Variants in GNAQ observed in about 807,000 individuals in gnomAD.
GNAQ encodes the protein G protein subunit alpha q.
A neutral mutation model predicts 43.9 loss-of-function variants in GNAQ; 8 were observed. The observed-to-expected ratio is 0.18, with a 90% CI of 0.11 to 0.33. GNAQ has a LOEUF of 0.33. Ranked by LOEUF, GNAQ falls within the 10% of genes least tolerant of loss-of-function variation. The pLI, the probability that GNAQ is intolerant of heterozygous loss-of-function variation, is 1.00. For missense variants in GNAQ, 158 were observed against 450.8 expected (o/e 0.35, Z 5.88); for synonymous variants, 155 against 170.7 (o/e 0.91, Z 0.71).
chr9:77,765,362 T>A (rs1826118989), intron 5 of GNAQ, among the ~76,000 whole-genome samples: 1 of 152,182 alleles, frequency 6.6e-6, no homozygotes, highest in Non-Finnish European at 1.5e-5. Flanking sequence ...AAGTTACATA[T>A]CTGATAAGGG....
At chr9:77,979,296 C>A (rs1823340099) in intron 1 of GNAQ, among the ~76,000 whole-genome samples, 1 of 149,552 alleles carries the variant, frequency 6.7e-6, no homozygotes, top group African/African-American at 2.5e-5. Context: ...GTAGAGGTTG[C>A]GGTGAGCCGA....
At chr9:77,983,699 GA>G (rs1488672844) in intron 1 of GNAQ, among the ~76,000 whole-genome samples, 1 of 152,134 alleles carries the variant, frequency 6.6e-6, no homozygotes, top group Non-Finnish European at 1.5e-5. Flanking sequence ...TGGAAACACA[GA>G]AAAGTATCTA....
intron 1 of GNAQ, among the ~76,000 whole-genome samples, chr9:78,014,993 A>G (rs1823820482): frequency 6.6e-6 from 1 of 152,222 alleles, no homozygotes. Flanking sequence ...AAACCTACCA[A>G]GCTGCCAGTT....
At chr9:78,012,743 C>A (rs1461578662) in intron 1 of GNAQ, among the ~76,000 whole-genome samples, 2 of 152,036 alleles carry the variant, frequency 1.3e-5, no homozygotes, top group Admixed American at 1.3e-4. Flanking sequence ...TACACAATTT[C>A]TCAAGGAAAA....
chr9:77,881,189 T>C (rs1038193160), intron 2 of GNAQ, among the ~76,000 whole-genome samples: 5 of 152,166 alleles, frequency 3.3e-5, no homozygotes, highest in Admixed American at 6.5e-5. Flanking sequence ...ATTTATTTTA[T>C]GCCGCACCCC....
chr9:77,938,960 C>G (rs1213919803), intron 1 of GNAQ, among the ~76,000 whole-genome samples: 1 of 152,214 alleles, frequency 6.6e-6, no homozygotes, highest in Non-Finnish European at 1.5e-5. Context: ...GCAGATGGGA[C>G]TGACAGGGCC....
chr9:77,791,530 C>T (rs924688031), intron 5 of GNAQ, among the ~76,000 whole-genome samples: 2 of 152,108 alleles, frequency 1.3e-5, no homozygotes, highest in Admixed American at 6.5e-5. Flanking sequence ...CTCTACCACC[C>T]TGGGTATTCT....
intron 1 of GNAQ, among the ~76,000 whole-genome samples, chr9:78,022,381 A>T (rs1823921750): frequency 6.6e-6 from 1 of 152,222 alleles, no homozygotes; most frequent in Non-Finnish European, 1.5e-5. Context: ...AAAGCAAATG[A>T]TCAAAATACC....
chr9:77,998,807 C>A (rs1350111538), intron 1 of GNAQ, among the ~76,000 whole-genome samples: 1 of 152,002 alleles, frequency 6.6e-6, no homozygotes, highest in East Asian at 1.9e-4. Context: ...CTTAAAAGGG[C>A]CGGGCACGGT....
intron 5 of GNAQ, among the ~76,000 whole-genome samples, chr9:77,744,079 T>C (rs758385414): frequency 6.6e-6 from 1 of 152,222 alleles, no homozygotes; most frequent in Non-Finnish European, 1.5e-5. Flanking sequence ...CATGAGACCA[T>C]CTTGCCATTC....
intron 3 of GNAQ, 84 bp from the exon 4 acceptor site, chr9:77,797,732 C>G (rs2118457619): frequency 8.2e-7 from 1 of 1,219,888 alleles, no homozygotes. Context: ...AAAAATGAGT[C>G]CTAACAGAGA....
At chr9:77,890,710 T>G (rs192219215) in intron 2 of GNAQ, among the ~76,000 whole-genome samples, 93 of 151,922 alleles carry the variant, frequency 6.1e-4, no homozygotes, top group Non-Finnish European at 1.0e-3. Context: ...GCAACAAGAG[T>G]GAAACTCTGT....
At position 78,001,713 on chromosome 9, in the gene GNAQ, G is replaced by A. The variant is rs530270419; in HGVS notation, c.136+29387C>T. Among the ~76,000 whole-genome samples, 8 of 152,018 alleles carry A rather than the reference G, an allele frequency of 5.3e-5. 1 individual carries two copies. The South Asian group carries it at 1.7e-3, about 32-fold the overall frequency. On this transcript the variant is annotated intron_variant, in intron 1 of 6. Coordinates refer to ENST00000286548, the MANE Select transcript of GNAQ (RefSeq NM_002072.5). ...TTACTGAGACCCTCTCATGAGTTCA[G>A]CCTCACTGTCTTATTTTTTACAACC... is the stretch of plus-strand genomic sequence containing the variant.
At position 77,953,248 on chromosome 9, in the gene GNAQ, C is replaced by T. The variant is rs1823003495; in HGVS notation, c.137-30903G>A. ...TAGCCCATCCCAGGAAATGTAGGAC[C>T]AGGTCTATTTACACAAGTTCTTGAG... On this transcript the variant is annotated intron_variant, in intron 1 of 6. Transcript: ENST00000286548. Among the ~76,000 whole-genome samples the T allele has an allele frequency of 2.6e-5, 4 of 152,242 alleles. No homozygotes were observed. The South Asian group carries it at 8.3e-4, about 32-fold the overall frequency.
intron 6 of GNAQ, among the ~76,000 whole-genome samples, chr9:77,727,443 T>TG (rs1414609527): frequency 4.6e-5 from 7 of 152,212 alleles, no homozygotes; most frequent in Non-Finnish European, 1.5e-5. Context: ...GGTGTCTAGT[T>TG]GTCCAGGATT....
intron 2 of GNAQ, among the ~76,000 whole-genome samples, chr9:77,895,225 C>T (rs1259018281): frequency 6.6e-6 from 1 of 151,122 alleles, no homozygotes; most frequent in African/African-American, 2.4e-5. Context: ...AGAATGGCAG[C>T]AAACATCGAC....
At chr9:77,899,828 C>T (rs913783387) in intron 2 of GNAQ, among the ~76,000 whole-genome samples, 1 of 152,126 alleles carries the variant, frequency 6.6e-6, no homozygotes, top group Non-Finnish European at 1.5e-5. Flanking sequence ...GTATTAAGCA[C>T]ATATCAAATG....
chr9:77,960,799 C>T (rs1184468752), intron 1 of GNAQ, among the ~76,000 whole-genome samples: 2 of 152,090 alleles, frequency 1.3e-5, no homozygotes, highest in African/African-American at 4.8e-5. Context: ...ATTCACTACA[C>T]TAGAATAAAC....
rs1051555568 is a variant in GNAQ, at chr9:77,735,260, G to T, written c.736-6593C>A. The stretch of plus-strand genomic sequence containing the variant: ...TTCTTCTAAGACATAACTCACTAAA[G>T]AACACCTTACAGATTACTTTATTAA... On this transcript the variant is annotated intron_variant, in intron 5 of 6. Coordinates refer to ENST00000286548, the MANE Select transcript of GNAQ (RefSeq NM_002072.5). 5.3e-5 allele frequency among the ~76,000 whole-genome samples: 8 copies of T among 152,124 alleles called. No homozygotes were observed. In the East Asian group the frequency reaches 1.5e-3, roughly 29 times the overall value.
Sources: allele counts gnomAD v4.1 joint callset (sites outside exome capture counted in the v4.1 genomes callset), GRCh38; gene constraint gnomAD v4.1.1; transcripts MANE v1.5; gene names NCBI Gene and HGNC (gene_info 2026-07-23, HGNC 2026-07-21).